Variants in FBXL14 observed in about 807,000 individuals in gnomAD.
FBXL14 encodes the protein F-box/LRR-repeat protein 14.
Under a neutral mutation model 24.5 loss-of-function variants are expected in FBXL14, and 11 were observed. The ratio of observed to expected loss-of-function variants is 0.45; its 90% CI spans 0.28 to 0.74. FBXL14 has a LOEUF of 0.74. Among genes scored for constraint, FBXL14 ranks in the 30% least tolerant of loss-of-function variants. The pLI, the probability that FBXL14 is intolerant of heterozygous loss-of-function variation, is 0.12. For synonymous variants in FBXL14, 294 were observed against 240.4 expected (o/e 1.22, Z -2.06); for missense variants, 384 against 545.6 (o/e 0.70, Z 2.95).
chr12:1,589,397 C>CAAAA lies in FBXL14; in HGVS notation c.1194+3472_1194+3475dup, dbSNP rs869295084. ...TAGGCAACAGATCAAGACCTTGTCT[C>CAAAA]AAAAAAAAAAAAAAAAAAAAAAGAT... On this transcript the variant is annotated intron_variant, in intron 1 of 1. Transcript: ENST00000339235. 2.5e-3 allele frequency among the ~76,000 whole-genome samples: 27 copies of CAAAA among 10,984 alleles called. 1 individual carries two copies. The highest frequency in any genetic ancestry group is 7.8e-3 in the African/African-American group (26 of 3,320). The allele number at this position is 10,984 out of a possible 152,430, so 7.2% of individuals were successfully genotyped here.
chr12:1,573,528 A>G (rs977228844), intron 1 of FBXL14, among the ~76,000 whole-genome samples: 8 of 152,150 alleles, frequency 5.3e-5, no homozygotes, highest in African/African-American at 1.9e-4. Flanking sequence ...AGAGGATGTA[A>G]CATTGCGGGG....
intron 1 of FBXL14, among the ~76,000 whole-genome samples, chr12:1,570,572 G>A (rs2094443751): frequency 6.6e-6 from 1 of 152,156 alleles, no homozygotes. Context: ...CACGCCGTGG[G>A]GTTCCCTGTA....
intron 1 of FBXL14, among the ~76,000 whole-genome samples, chr12:1,591,513 T>A (rs2094489989): frequency 1.3e-5 from 2 of 152,184 alleles, no homozygotes; most frequent in East Asian, 3.8e-4. Flanking sequence ...CTGGGTTTCT[T>A]TAACTCCATG....
At chr12:1,589,450 AAAAAAGAC>A (rs1216429243) in intron 1 of FBXL14, among the ~76,000 whole-genome samples, 1,464 of 142,024 alleles carry the variant, frequency 0.01, 104 homozygotes, top group African/African-American at 0.04. Context: ...AAAAAAAAAA[AAAAAAGAC>A]AGGAAGGCAG....
chr12:1,593,065 C>A lies in FBXL14; in HGVS notation c.1002G>T (p.Thr334=). ...RMVRQMHGLR[T]LNIGQCVRIT... The stretch of plus-strand genomic sequence containing the variant: ...TGCGCACACACTGTCCAATGTTGAG[C>A]GTGCGCAGCCCGTGCATCTGCCGCA... The change falls in exon 1 of 2, where the codon ACG becomes ACT. Residue 334 remains threonine (T), a synonymous_variant. Transcript: ENST00000339235. This position sits in a 1 kb window ranked among gnomAD's most constrained non-coding sequence, Gnocchi z 7.4. 6.2e-7 allele frequency: 1 copy of A among 1,612,716 alleles called. No homozygotes were observed. Among genetic ancestry groups the A allele is most frequent in the Non-Finnish European group, 8.5e-7 (1 of 1,180,016 alleles).
At chr12:1,587,111 C>G (rs1349209184) in intron 1 of FBXL14, among the ~76,000 whole-genome samples, 1 of 152,004 alleles carries the variant, frequency 6.6e-6, no homozygotes, top group East Asian at 1.9e-4. Context: ...GTGGCACACG[C>G]CTGTAATCCC....
At chr12:1,568,404 G>C (rs1017061669) in intron 1 of FBXL14, among the ~76,000 whole-genome samples, 1 of 152,154 alleles carries the variant, frequency 6.6e-6, no homozygotes, top group Non-Finnish European at 1.5e-5. Context: ...TGCAAGAAAT[G>C]TTACAAGAAA....
rs771448790 is a variant in FBXL14, at chr12:1,593,651, G to T, written c.416C>A (p.Ala139Asp). Residue 139 changes from alanine to aspartate, a missense_variant, in exon 1 of 2, where the codon GCC (alanine) becomes GAC (aspartate). By Grantham distance (126) the Ala-to-Asp change is moderately radical (BLOSUM62 -2). Coordinates refer to ENST00000339235, the MANE Select transcript of FBXL14 (RefSeq NM_152441.3). The surrounding 1 kb of genome is among the most constrained non-coding windows in gnomAD (Gnocchi z 7.4). ...QITDSSLGRI[A>D]QYLKGLEVLE... The stretch of plus-strand genomic sequence containing the variant: ...CACCTCCAGGCCCTTGAGGTACTGG[G>T]CTATGCGGCCCAGGCTGCTGTCAGT... 6.2e-7 allele frequency: 1 copy of T among 1,614,182 alleles called. No individual in the cohort carries two copies. Among genetic ancestry groups the T allele is most frequent in the Non-Finnish European group, 8.5e-7 (1 of 1,180,046 alleles).
At chr12:1,590,883 C>T (rs1199561959) in intron 1 of FBXL14, among the ~76,000 whole-genome samples, 1 of 152,164 alleles carries the variant, frequency 6.6e-6, no homozygotes, top group African/African-American at 2.4e-5. Context: ...TAACTTTTCT[C>T]AACAATGGCT....
intron 1 of FBXL14, among the ~76,000 whole-genome samples, chr12:1,576,465 T>G (rs1235546723): frequency 6.6e-6 from 1 of 152,190 alleles, no homozygotes. Context: ...GAGCTACTGC[T>G]CGGGGACTGA....
chr12:1,582,876 G>T (rs1398369997), intron 1 of FBXL14, among the ~76,000 whole-genome samples: 2 of 152,118 alleles, frequency 1.3e-5, no homozygotes, highest in East Asian at 1.9e-4. Flanking sequence ...AGACCCGAAG[G>T]CCTCTCCTGC....
chr12:1,569,611 AG>A lies in FBXL14; in HGVS notation c.1195-2802del, dbSNP rs1448599140. The stretch of plus-strand genomic sequence containing the variant: ...GAGATGGGGTTTCACCGTGTTAGCC[AG>A]GATGGTCTCGATCTCCTGAACTTGT... On this transcript the variant is annotated intron_variant, in intron 1 of 1. Transcript: ENST00000339235. The surrounding 1 kb of genome is among the most constrained non-coding windows in gnomAD (Gnocchi z 4.2). Among the ~76,000 whole-genome samples the A allele has an allele frequency of 6.6e-6, 1 of 152,168 alleles. No homozygotes were observed. The highest frequency in any genetic ancestry group is 2.4e-5 in the African/African-American group (1 of 41,440).
intron 1 of FBXL14, among the ~76,000 whole-genome samples, chr12:1,577,557 C>T (rs1654915360): frequency 6.6e-6 from 1 of 152,246 alleles, no homozygotes; most frequent in African/African-American, 2.4e-5. Context: ...GTCATTATCA[C>T]TCACCTGCCC....
In FBXL14 at chr12:1,593,259, C is replaced by G; in HGVS notation, c.808G>C (p.Gly270Arg). 1 of 1,612,802 alleles carries G rather than the reference C, an allele frequency of 6.2e-7. No individual in the cohort carries two copies. Among genetic ancestry groups the G allele is most frequent in the Non-Finnish European group, 8.5e-7 (1 of 1,180,022 alleles). Residue 270 changes from glycine (G) to arginine (R), a missense_variant, in exon 1 of 2, where the codon GGC becomes CGC. Gly to Arg is a moderately radical substitution (Grantham distance 125). Coordinates refer to ENST00000339235, the MANE Select transcript of FBXL14 (RefSeq NM_152441.3). The surrounding 1 kb of genome is among the most constrained non-coding windows in gnomAD (Gnocchi z 7.4). ...LRSCDNISDT[G>R]IMHLAMGSLR... ...CTGCCCATGGCCAGATGCATGATGCCCGTGTCACTGATGTTGTCACAGGAG... is the reference window on the plus strand; with the variant it reads ...CTGCCCATGGCCAGATGCATGATGCGCGTGTCACTGATGTTGTCACAGGAG...
Position 1,567,951 on chromosome 12 carries a change from G to C in FBXL14, c.1195-1141C>G, listed in dbSNP as rs1236611932. ...CAAGAACTGTGGGACATCTACAAAA[G>C]GTGTAGCATGTGTAATGGGAATACC... is the stretch of plus-strand genomic sequence containing the variant. On this transcript the variant is annotated intron_variant, in intron 1 of 1. Coordinates refer to ENST00000339235, the MANE Select transcript of FBXL14 (RefSeq NM_152441.3). This position sits in a 1 kb window ranked among gnomAD's most constrained non-coding sequence, Gnocchi z 4.8. Among the ~76,000 whole-genome samples the C allele has an allele frequency of 6.6e-6, 1 of 152,240 alleles. No individual in the cohort carries two copies. The highest frequency in any genetic ancestry group is 2.4e-5 in the African/African-American group (1 of 41,460).
chr12:1,590,142 CT>C (rs57694174), intron 1 of FBXL14, among the ~76,000 whole-genome samples: 7,053 of 146,878 alleles, frequency 0.048, 514 homozygotes, highest in African/African-American at 0.16. Context: ...AGGCTTCACA[CT>C]TTTTTTTTTT....
At chr12:1,578,407 G>A (rs942877422) in intron 1 of FBXL14, among the ~76,000 whole-genome samples, 2 of 152,184 alleles carry the variant, frequency 1.3e-5, no homozygotes, top group Non-Finnish European at 2.9e-5. Context: ...TTGGGAGGCC[G>A]AGGTGGGTGG....
In FBXL14 at chr12:1,594,067, C is replaced by G. The variant is rs780830317; in HGVS notation, c.-1G>C. Reference sequence around the variant, plus strand: ...ACAGGCATGAGATGTGGGTCTCCATCTTCCTCCTCCCCCCTCCGCGGCGCT... The same window carrying G: ...ACAGGCATGAGATGTGGGTCTCCATGTTCCTCCTCCCCCCTCCGCGGCGCT... On this transcript the variant is annotated 5_prime_UTR_variant, in exon 1 of 2. Transcript: ENST00000339235. 5 of 1,464,464 alleles carry G rather than the reference C, an allele frequency of 3.4e-6. No individual in the cohort carries two copies. 90.7% of individuals were successfully genotyped at this position (1,464,464 alleles called of 1,614,324 possible).
intron 1 of FBXL14, among the ~76,000 whole-genome samples, chr12:1,572,858 G>A (rs2094447773): frequency 6.7e-6 from 1 of 148,606 alleles, no homozygotes; most frequent in Non-Finnish European, 1.5e-5. Context: ...GTGGAGGGGG[G>A]ATGGAGAGGA....
Sources: allele counts gnomAD v4.1 joint callset (sites outside exome capture counted in the v4.1 genomes callset), GRCh38; gene constraint gnomAD v4.1.1; non-coding constraint Gnocchi (gnomAD v3.1); transcripts MANE v1.5; gene names NCBI Gene and HGNC (gene_info 2026-07-23, HGNC 2026-07-21).